The following CDH13 variants were observed in gnomAD, a reference collection of about 807,000 sequenced individuals.
CDH13 encodes the protein cadherin-13.
In CDH13, 24 loss-of-function variants were observed where a neutral mutation model predicts 63.8. That is an observed-to-expected ratio of 0.38 (90% CI 0.27 to 0.53). The LOEUF is 0.53. Among genes scored for constraint, CDH13 ranks in the 20% least tolerant of loss-of-function variants. The pLI is 0.85. For synonymous variants in CDH13, 503 were observed against 355.3 expected, an observed-to-expected ratio of 1.42 and a Z score of -4.67; for missense variants, 1,049 against 903.1, an observed-to-expected ratio of 1.16 and a Z score of -2.07.
intron 1 of CDH13, among the ~76,000 whole-genome samples, chr16:82,835,023 G>C (rs763643885): frequency 4.6e-5 from 7 of 152,294 alleles, no homozygotes; most frequent in African/African-American, 7.2e-5. Context: ...TAAATTTTCT[G>C]ATAGCTCTGC....
intron 6 of CDH13, among the ~76,000 whole-genome samples, chr16:83,390,380 A>G (rs1425368885): frequency 1.3e-5 from 2 of 152,136 alleles, no homozygotes; most frequent in Non-Finnish European, 2.9e-5. Flanking sequence ...GGAACCATGT[A>G]TGGTTAAGTC....
chr16:82,994,630 T>A (rs867835197), intron 2 of CDH13, among the ~76,000 whole-genome samples: 2 of 152,348 alleles, frequency 1.3e-5, no homozygotes, highest in South Asian at 2.1e-4. Flanking sequence ...TCCCTCTTTT[T>A]AAAAATTAAT....
chr16:83,445,241 T>TTTTATAATTTATAAAAGGTCTTATAAA (rs1567677345), intron 6 of CDH13, among the ~76,000 whole-genome samples: 1 of 56,528 alleles, frequency 1.8e-5, no homozygotes, highest in Non-Finnish European at 4.5e-5. Flanking sequence ...GAGTTTATAA[T>TTTTATAATTTATAAAAGGTCTTATAAA]TTATAAAAGC....
chr16:82,869,613 G>A (rs2040274064), intron 2 of CDH13, among the ~76,000 whole-genome samples: 1 of 152,148 alleles, frequency 6.6e-6, no homozygotes, highest in Non-Finnish European at 1.5e-5. Flanking sequence ...CTAAAACAGT[G>A]TGATACTGGC....
chr16:83,633,022 T>C (rs1000974188), intron 8 of CDH13, among the ~76,000 whole-genome samples: 1 of 152,120 alleles, frequency 6.6e-6, no homozygotes, highest in Non-Finnish European at 1.5e-5. Flanking sequence ...TAATGTATTA[T>C]AATTAGCATA....
At chr16:82,958,531 C>T (rs772911991) in intron 2 of CDH13, among the ~76,000 whole-genome samples, 6 of 152,180 alleles carry the variant, frequency 3.9e-5, no homozygotes, top group Non-Finnish European at 8.8e-5. Flanking sequence ...ATGGAAAACA[C>T]AGTCGGGGAG....
At chr16:83,518,842 A>T (rs191110843) in intron 7 of CDH13, among the ~76,000 whole-genome samples, 16 of 152,174 alleles carry the variant, frequency 1.1e-4, no homozygotes, top group Middle Eastern at 3.4e-3. Flanking sequence ...GTGAAGAAGG[A>T]TGTGTTGGCT....
chr16:83,197,195 A>G (rs2038901364), intron 4 of CDH13, among the ~76,000 whole-genome samples: 1 of 152,166 alleles, frequency 6.6e-6, no homozygotes, highest in African/African-American at 2.4e-5. Context: ...GAGGTTGCAT[A>G]CTATATGATT....
At chr16:83,304,266 A>G (rs1243088002) in intron 5 of CDH13, among the ~76,000 whole-genome samples, 3 of 152,102 alleles carry the variant, frequency 2.0e-5, no homozygotes, top group Non-Finnish European at 2.9e-5. Context: ...ATGAAATTGG[A>G]TGTGTCAGTT....
At chr16:83,179,346 C>A (rs746261451) in intron 4 of CDH13, among the ~76,000 whole-genome samples, 10 of 151,982 alleles carry the variant, frequency 6.6e-5, no homozygotes, top group Admixed American at 2.6e-4. Flanking sequence ...CATGATTTTA[C>A]TATCAACAAA....
At chr16:83,777,441 G>A (rs1597216514) in intron 11 of CDH13, among the ~76,000 whole-genome samples, 2 of 152,306 alleles carry the variant, frequency 1.3e-5, no homozygotes, top group African/African-American at 2.4e-5. Context: ...AACACCCTGC[G>A]GTCCCCCAGC....
At chr16:83,388,487 G>A (rs1026845463) in intron 6 of CDH13, among the ~76,000 whole-genome samples, 1 of 152,038 alleles carries the variant, frequency 6.6e-6, no homozygotes, top group Non-Finnish European at 1.5e-5. Context: ...TGATCAACGA[G>A]ATTTGATGAT....
chr16:83,195,354 G>A (rs911348618), intron 4 of CDH13, among the ~76,000 whole-genome samples: 1 of 152,176 alleles, frequency 6.6e-6, no homozygotes, highest in East Asian at 1.9e-4. Context: ...AAGTAAAGAG[G>A]TTGAATTGAC....
chr16:83,595,953 C>G (rs1180866697), intron 7 of CDH13, among the ~76,000 whole-genome samples: 1 of 152,226 alleles, frequency 6.6e-6, no homozygotes, highest in Non-Finnish European at 1.5e-5. Context: ...CAGGGGCCAT[C>G]AAAGCTCCAG....
At chr16:83,153,416 C>A (rs1370132415) in intron 4 of CDH13, among the ~76,000 whole-genome samples, 1 of 152,100 alleles carries the variant, frequency 6.6e-6, no homozygotes, top group Non-Finnish European at 1.5e-5. Context: ...TATCTTACAG[C>A]CTCCAGCTGC....
At chr16:82,672,148 G>GA (rs1340379823) in intron 1 of CDH13, among the ~76,000 whole-genome samples, 6 of 152,190 alleles carry the variant, frequency 3.9e-5, no homozygotes, top group African/African-American at 1.2e-4. Context: ...TCCCAACTGT[G>GA]AGTTTGAGCA....
At chr16:83,665,570 G>T in intron 8 of CDH13, among the ~76,000 whole-genome samples, 1 of 152,108 alleles carries the variant, frequency 6.6e-6, no homozygotes, top group African/African-American at 2.4e-5. Context: ...AAATTAGTGA[G>T]ACCCTATAAT....
chr16:82,955,916 C>G (rs1352559550), intron 2 of CDH13, among the ~76,000 whole-genome samples: 1 of 152,182 alleles, frequency 6.6e-6, no homozygotes, highest in Non-Finnish European at 1.5e-5. Context: ...CTAGCATAAT[C>G]AAATACTACT....
At chr16:83,514,997 A>T (rs1469774372) in intron 7 of CDH13, among the ~76,000 whole-genome samples, 1 of 152,180 alleles carries the variant, frequency 6.6e-6, no homozygotes, top group Non-Finnish European at 1.5e-5. Flanking sequence ...CTGAAAGATC[A>T]TGTCTTACCC....
Sources: gnomAD v4.1 joint callset for allele counts (sites outside exome capture counted in the v4.1 genomes callset) on GRCh38, gnomAD v4.1.1 for gene constraint, MANE v1.5 for transcripts, NCBI Gene and HGNC (gene_info 2026-07-23, HGNC 2026-07-21) for gene names.